The following SCN2A variants were observed in gnomAD, a reference collection of about 807,000 sequenced individuals.
SCN2A encodes sodium voltage-gated channel alpha subunit 2.
SCN2A carries 20 observed loss-of-function variants against 188.7 expected under a neutral mutation model. The ratio of observed to expected loss-of-function variants is 0.11; its 90% CI spans 0.07 to 0.15. The LOEUF (loss-of-function observed/expected upper bound fraction) is 0.15. Among genes scored for constraint, SCN2A ranks in the 10% least tolerant of loss-of-function variants. SCN2A has a pLI of 1.00. For synonymous variants in SCN2A, 804 were observed against 833.1 expected (o/e 0.97, Z 0.60); for missense variants, 1,278 against 2,445.0 (o/e 0.52, Z 10.07).
chr2:165,294,930 G>A (rs1370312690), intron 1 of SCN2A, among the ~76,000 whole-genome samples: 1 of 152,192 alleles, frequency 6.6e-6, no homozygotes, highest in African/African-American at 2.4e-5. Flanking sequence ...CTAAGACTGT[G>A]ATGCTACGTT....
At chr2:165,302,196 TTTG>T (rs988453308) in intron 3 of SCN2A, among the ~76,000 whole-genome samples, 5 of 152,338 alleles carry the variant, frequency 3.3e-5, no homozygotes, top group African/African-American at 1.2e-4. Flanking sequence ...TTCTCTTTCT[TTTG>T]TTTTCAATGC....
intron 23 of SCN2A, among the ~76,000 whole-genome samples, chr2:165,378,327 G>GT (rs397763725): frequency 0.21 from 30,561 of 145,726 alleles, 3,765 homozygotes; most frequent in East Asian, 0.35. Flanking sequence ...AATTCCTGAG[G>GT]TTTTTTTTTT....
chr2:165,347,672 G>C (rs891036702), intron 16 of SCN2A, among the ~76,000 whole-genome samples: 1 of 152,138 alleles, frequency 6.6e-6, no homozygotes, highest in African/African-American at 2.4e-5. Flanking sequence ...GGCATGGGAA[G>C]ATAAATATAA....
intron 1 of SCN2A, chr2:165,267,972 A>T (rs1365095876): frequency 6.6e-6 from 1 of 152,060 alleles, no homozygotes. Flanking sequence ...GATGTGGAGA[A>T]AACAAAAGTG....
At chr2:165,336,935 G>A (rs12612104) in intron 14 of SCN2A, among the ~76,000 whole-genome samples, 32,964 of 151,786 alleles carry the variant, frequency 0.22, 4,128 homozygotes, top group East Asian at 0.36. Flanking sequence ...GATATGCAAC[G>A]AAATAGGGAA....
At chr2:165,255,649 T>G (rs1161081887) in intron 1 of SCN2A, among the ~76,000 whole-genome samples, 1 of 152,180 alleles carries the variant, frequency 6.6e-6, no homozygotes, top group Non-Finnish European at 1.5e-5. Context: ...GTATTACCAT[T>G]TCTTCTAGCA....
In SCN2A at chr2:165,348,504, T is replaced by C. The variant is rs181070285; in HGVS notation, c.2919+3593T>C. On this transcript the variant is annotated intron_variant, in intron 16 of 26. Transcript: ENST00000375437. ...TTATTCATTGCCAAATTTCAGCCTC[T>C]TCAACATTACTTTTGATAATTCTGA... Among the ~76,000 whole-genome samples the C allele has an allele frequency of 4.4e-3, 676 of 152,316 alleles. 3 individuals carry two copies. Among genetic ancestry groups the C allele is most frequent in the African/African-American group, 0.016 (645 of 41,576 alleles).
chr2:165,372,886 A>G lies in SCN2A; in HGVS notation c.3850-339A>G, dbSNP rs1560626. The G allele has an allele frequency of 0.39, 101,014 of 260,630 alleles. 20,427 individuals are homozygous for G. Among genetic ancestry groups the G allele is most frequent in the East Asian group, 0.54 (5,768 of 10,680 alleles). The allele number at this position is 260,630 out of a possible 1,614,324, so 16.1% of individuals were successfully genotyped here. The stretch of plus-strand genomic sequence containing the variant: ...AAGTTTTACAGATCTGTAGAGGAAG[A>G]TCACATTTCTCTCTCTTTTTTTTCT... On this transcript the variant is annotated intron_variant, in intron 20 of 26. Coordinates refer to ENST00000375437, the MANE Select transcript of SCN2A (RefSeq NM_001040142.2).
chr2:165,258,298 G>T (rs1694419621), intron 1 of SCN2A, among the ~76,000 whole-genome samples: 1 of 152,052 alleles, frequency 6.6e-6, no homozygotes, highest in Non-Finnish European at 1.5e-5. Flanking sequence ...ATAGCTTTAG[G>T]TTTTAAGTTT....
At chr2:165,336,741 A>AT (rs1233094883) in intron 14 of SCN2A, among the ~76,000 whole-genome samples, 2 of 151,964 alleles carry the variant, frequency 1.3e-5, no homozygotes, top group Admixed American at 1.3e-4. Flanking sequence ...ATGTATCACT[A>AT]TTTTTTCTTC....
At chr2:165,352,893 G>T (rs1699998669) in intron 16 of SCN2A, among the ~76,000 whole-genome samples, 1 of 151,778 alleles carries the variant, frequency 6.6e-6, no homozygotes, top group African/African-American at 2.4e-5. Flanking sequence ...TATTTACTTT[G>T]TGCATTTGCC....
Position 165,289,584 on chromosome 2 carries a change from A to G in SCN2A, c.-51-6189A>G, listed in dbSNP as rs114378733. Among the ~76,000 whole-genome samples, 810 of 152,234 alleles carry G rather than the reference A, an allele frequency of 5.3e-3. 8 individuals carry two copies. Among genetic ancestry groups the G allele is most frequent in the African/African-American group, 0.019 (776 of 41,560 alleles). On this transcript the variant is annotated intron_variant, in intron 1 of 26. Coordinates refer to ENST00000375437, the MANE Select transcript of SCN2A (RefSeq NM_001040142.2). ...CTTCACGTAATATATGTCATATAGAACTCTCATAAAATATCAGTATGATGT... is the reference window on the plus strand; with the variant it reads ...CTTCACGTAATATATGTCATATAGAGCTCTCATAAAATATCAGTATGATGT...
At chr2:165,379,466 G>A (rs1701486735) in intron 23 of SCN2A, among the ~76,000 whole-genome samples, 1 of 151,740 alleles carries the variant, frequency 6.6e-6, no homozygotes, top group Admixed American at 6.6e-5. Flanking sequence ...ACCTCCAGCA[G>A]GGATGATGGA....
At position 165,391,210 on chromosome 2, in the gene SCN2A, C is replaced by T. The variant is rs1702108278; in HGVS notation, c.*1386C>T. Reference sequence around the variant, plus strand: ...TCTACCAAGACCTCATTCTTCATGTCATTAAGCAATAGGTTGCAGCAAACA... The same window carrying T: ...TCTACCAAGACCTCATTCTTCATGTTATTAAGCAATAGGTTGCAGCAAACA... On this transcript the variant is annotated 3_prime_UTR_variant, in exon 27 of 27. Transcript: ENST00000375437. The T allele has an allele frequency of 6.6e-6, 1 of 152,508 alleles. No homozygotes were observed. Among genetic ancestry groups the T allele is most frequent in the Non-Finnish European group, 1.5e-5 (1 of 67,994 alleles). The allele number at this position is 152,508 out of a possible 1,614,324, so 9.4% of individuals were successfully genotyped here. A position where few individuals can be genotyped will look rare whatever the true frequency, so the allele number is the denominator to read the frequency against.
chr2:165,266,525 A>C (rs894744601), intron 1 of SCN2A: 6 of 152,106 alleles, frequency 3.9e-5, no homozygotes, highest in Non-Finnish European at 7.4e-5. Context: ...AGAATCTTGG[A>C]GTCCTCTTCA....
intron 1 of SCN2A, chr2:165,270,626 A>T (rs1414709411): frequency 6.6e-6 from 1 of 152,102 alleles, no homozygotes; most frequent in Non-Finnish European, 1.5e-5. Flanking sequence ...CCCCAGGCCA[A>T]CTAATTTTCT....
intron 3 of SCN2A, among the ~76,000 whole-genome samples, chr2:165,302,582 G>A (rs1192606763): frequency 6.6e-6 from 1 of 152,164 alleles, no homozygotes. Flanking sequence ...TTAATGGTAA[G>A]AAACCAATAA....
intron 18 of SCN2A, 76 bp downstream of exon 18, chr2:165,365,339 GTTTA>G (rs1700666643): frequency 2.6e-6 from 4 of 1,535,374 alleles, no homozygotes; most frequent in East Asian, 2.3e-5. Context: ...TTAAATGTCT[GTTTA>G]TTTGTCTACC....
At chr2:165,248,278 TC>T (rs1482663331) in intron 1 of SCN2A, among the ~76,000 whole-genome samples, 1 of 152,162 alleles carries the variant, frequency 6.6e-6, no homozygotes, top group Non-Finnish European at 1.5e-5. Flanking sequence ...CCTGACAATT[TC>T]CAAAAAGTCT....
Sources: gnomAD v4.1 joint callset for allele counts (sites outside exome capture counted in the v4.1 genomes callset) on GRCh38, gnomAD v4.1.1 for gene constraint, MANE v1.5 for transcripts, NCBI Gene and HGNC (gene_info 2026-07-23, HGNC 2026-07-21) for gene names.